The following NCALD variants were observed in gnomAD, a reference collection of about 807,000 sequenced individuals.
The protein encoded by NCALD is neurocalcin delta, also known as neurocalcin-delta.
NCALD carries 10 observed loss-of-function variants against 18.6 expected under a neutral mutation model. The observed-to-expected ratio is 0.54, with a 90% CI of 0.33 to 0.91. The LOEUF (loss-of-function observed/expected upper bound fraction) is 0.91. NCALD is among the 40% of genes least tolerant of loss of function. The probability of loss-of-function intolerance (pLI) is 0.03; values close to 1 mark genes in which losing one functional copy is unlikely to be tolerated. For missense variants in NCALD, 184 were observed against 247.6 expected, an observed-to-expected ratio of 0.74 and a Z score of 1.72; for synonymous variants, 88 against 87.4, an observed-to-expected ratio of 1.01 and a Z score of -0.04.
intron 1 of NCALD, among the ~76,000 whole-genome samples, chr8:101,778,474 A>C (rs1431210897): frequency 6.6e-6 from 1 of 152,204 alleles, no homozygotes. Flanking sequence ...AGGACAAAGA[A>C]GGTAACTTTT....
At chr8:102,021,907 TGAG>T (rs768960727) in intron 1 of NCALD, among the ~76,000 whole-genome samples, 13 of 152,128 alleles carry the variant, frequency 8.5e-5, no homozygotes, top group Non-Finnish European at 1.5e-4. Flanking sequence ...TCTGGGAACA[TGAG>T]GAGGAAAGAG....
At chr8:102,084,615 C>T (rs1043749431) in intron 1 of NCALD, among the ~76,000 whole-genome samples, 3 of 152,164 alleles carry the variant, frequency 2.0e-5, no homozygotes, top group African/African-American at 7.2e-5. Flanking sequence ...GGGCGCCACA[C>T]GCAATGTGAA....
chr8:101,790,922 T>TAGC lies in NCALD; in HGVS notation c.-83_-81dup, dbSNP rs754656015. The TAGC allele has an allele frequency of 6.6e-6, 1 of 152,406 alleles. No homozygotes were observed. The highest frequency in any genetic ancestry group is 1.5e-5 in the Non-Finnish European group (1 of 68,206). 9.4% of individuals were successfully genotyped at this position (152,406 alleles called of 1,614,324 possible). ...GCTCTGCAGCCCCTGGAAACAGCAG[T>TAGC]AGCAGCAGCAGCAAGGTCCAGCATC... On this transcript the variant is annotated 5_prime_UTR_variant, in exon 1 of 4. Coordinates refer to ENST00000220931, the MANE Select transcript of NCALD (RefSeq NM_032041.3).
chr8:102,010,274 A>G (rs1348813806), intron 2 of NCALD, among the ~76,000 whole-genome samples: 1 of 152,228 alleles, frequency 6.6e-6, no homozygotes, highest in African/African-American at 2.4e-5. Flanking sequence ...TCTCTAACAA[A>G]TCTGCCTTTC....
At chr8:102,084,277 C>T (rs115005398) in intron 1 of NCALD, among the ~76,000 whole-genome samples, 13,505 of 152,184 alleles carry the variant, frequency 0.089, 1,598 homozygotes, top group African/African-American at 0.27. Context: ...TTAATGGCCG[C>T]GAATCTGTAT....
At chr8:101,907,605 G>A (rs999833920) in intron 3 of NCALD, among the ~76,000 whole-genome samples, 1 of 151,870 alleles carries the variant, frequency 6.6e-6, no homozygotes, top group African/African-American at 2.4e-5. Context: ...GTGCCTAGTG[G>A]CTAAAGAACT....
At chr8:101,983,576 C>T (rs540326913) in intron 2 of NCALD, among the ~76,000 whole-genome samples, 1 of 152,220 alleles carries the variant, frequency 6.6e-6, no homozygotes, top group South Asian at 2.1e-4. Context: ...CAAACATTAA[C>T]TAACCGAAAC....
intron 1 of NCALD, among the ~76,000 whole-genome samples, chr8:102,114,993 A>G (rs1386044016): frequency 2.0e-5 from 3 of 152,256 alleles, no homozygotes; most frequent in Non-Finnish European, 2.9e-5. Context: ...CAGTTTCATG[A>G]GCATGTGACC....
At chr8:101,944,476 C>T (rs944608466) in intron 2 of NCALD, among the ~76,000 whole-genome samples, 1 of 152,210 alleles carries the variant, frequency 6.6e-6, no homozygotes, top group African/African-American at 2.4e-5. Context: ...TATGTGTGAG[C>T]AGCATGAACT....
At chr8:101,806,488 T>A (rs1813106967) in intron 4 of NCALD, among the ~76,000 whole-genome samples, 1 of 151,892 alleles carries the variant, frequency 6.6e-6, no homozygotes, top group South Asian at 2.1e-4. Context: ...CCTCATCAAA[T>A]AGAGAATATC....
intron 2 of NCALD, among the ~76,000 whole-genome samples, chr8:101,697,010 G>A (rs1435304914): frequency 6.6e-6 from 1 of 151,948 alleles, no homozygotes; most frequent in Non-Finnish European, 1.5e-5. Context: ...GAATCCAGGA[G>A]CTGTTTTTTT....
intron 1 of NCALD, among the ~76,000 whole-genome samples, chr8:101,766,609 G>A (rs1482070072): frequency 3.3e-5 from 5 of 152,092 alleles, no homozygotes; most frequent in African/African-American, 1.2e-4. Flanking sequence ...TGTTTTTTGA[G>A]ATGGGGTCTG....
chr8:101,697,771 G>A (rs528889092), intron 2 of NCALD, among the ~76,000 whole-genome samples: 21 of 152,252 alleles, frequency 1.4e-4, no homozygotes, highest in African/African-American at 4.8e-4. Flanking sequence ...GAATAAACTA[G>A]GTATTGATGG....
chr8:101,874,137 T>C (rs1295650862), intron 4 of NCALD, among the ~76,000 whole-genome samples: 1 of 152,122 alleles, frequency 6.6e-6, no homozygotes, highest in Non-Finnish European at 1.5e-5. Flanking sequence ...TTTCACAGAC[T>C]AGTAGGAGAT....
intron 1 of NCALD, among the ~76,000 whole-genome samples, chr8:102,040,780 A>G (rs566965597): frequency 6.6e-6 from 1 of 152,300 alleles, no homozygotes; most frequent in South Asian, 2.1e-4. Context: ...CCTCCATCAC[A>G]GTCTTGAGCA....
chr8:101,698,840 T>C (rs1381721587), intron 2 of NCALD, among the ~76,000 whole-genome samples: 1 of 152,068 alleles, frequency 6.6e-6, no homozygotes, highest in Non-Finnish European at 1.5e-5. Flanking sequence ...GAAGAAAACC[T>C]AGGCAATACC....
At chr8:101,943,928 G>T (rs898675326) in intron 2 of NCALD, among the ~76,000 whole-genome samples, 6 of 151,742 alleles carry the variant, frequency 4.0e-5, no homozygotes, top group Non-Finnish European at 8.8e-5. Flanking sequence ...GCAACAGAGG[G>T]AGTCTGTGTC....
intron 1 of NCALD, among the ~76,000 whole-genome samples, chr8:102,075,687 G>T (rs1462198884): frequency 6.6e-6 from 1 of 152,188 alleles, no homozygotes; most frequent in Non-Finnish European, 1.5e-5. Context: ...AGGTGCGGTA[G>T]CTCATGCCTG....
At chr8:101,853,670 G>C (rs958886238) in intron 4 of NCALD, among the ~76,000 whole-genome samples, 2 of 152,212 alleles carry the variant, frequency 1.3e-5, no homozygotes, top group African/African-American at 2.4e-5. Context: ...GGTTTTTGTG[G>C]GGAGGCCGGG....
Sources: allele counts gnomAD v4.1 joint callset (sites outside exome capture counted in the v4.1 genomes callset), GRCh38; gene constraint gnomAD v4.1.1; transcripts MANE v1.5; gene names NCBI Gene and HGNC (gene_info 2026-07-23, HGNC 2026-07-21).